HSF1: variants seen among roughly 807,000 people sequenced by gnomAD.
HSF1 encodes heat shock factor protein 1.
In HSF1, 32 loss-of-function variants were observed where a neutral mutation model predicts 51.7. That is an observed-to-expected ratio of 0.62 (90% CI 0.47 to 0.83). The LOEUF (loss-of-function observed/expected upper bound fraction) is 0.83, where lower values mean the gene tolerates loss of function less well. Ranked by LOEUF, HSF1 falls within the 40% of genes least tolerant of loss-of-function variation. The pLI, the probability that HSF1 is intolerant of heterozygous loss-of-function variation, is 0.00. For missense variants in HSF1, 727 were observed against 717.0 expected, an observed-to-expected ratio of 1.01 and a Z score of -0.16; for synonymous variants, 396 against 309.7, an observed-to-expected ratio of 1.28 and a Z score of -2.92.
chr8:144,300,623 TGA>T (rs1489900581), intron 1 of HSF1, among the ~76,000 whole-genome samples: 1 of 152,142 alleles, frequency 6.6e-6, no homozygotes, highest in Non-Finnish European at 1.5e-5. Context: ...AAATCCAAAT[TGA>T]GAGACATTCC....
At chr8:144,300,455 G>T (rs1198930640) in intron 1 of HSF1, among the ~76,000 whole-genome samples, 1 of 151,952 alleles carries the variant, frequency 6.6e-6, no homozygotes, top group Non-Finnish European at 1.5e-5. Flanking sequence ...CTGACCTCGT[G>T]ATCCGCCCAC....
At chr8:144,302,612 C>T (rs1278314669) in intron 1 of HSF1, among the ~76,000 whole-genome samples, 1 of 151,822 alleles carries the variant, frequency 6.6e-6, no homozygotes, top group Non-Finnish European at 1.5e-5. Flanking sequence ...TAGATTGCTT[C>T]CACTCAGGAG....
chr8:144,309,788 G>A lies in HSF1; in HGVS notation c.380G>A (p.Ser127Asn), dbSNP rs144843756. 2.5e-6 allele frequency: 4 copies of A among 1,613,724 alleles called. No homozygotes were observed. Among genetic ancestry groups the A allele is most frequent in the African/African-American group, 1.3e-5 (1 of 74,930 alleles). The change falls in exon 4 of 13, where the codon AGT becomes AAT. Residue 127 changes from serine to asparagine, a missense_variant. Ser to Asn is a conservative substitution (Grantham distance 46, BLOSUM62 1). Transcript: ENST00000528838. ...GGAATCCAGGTGTCCACCCTGAAGA[G>A]TGAAGACATAAAGATCCGCCAGGAC... ...RKVTSVSTLK[S>N]EDIKIRQDSV...
chr8:144,308,954 G>A lies in HSF1; in HGVS notation c.166G>A (p.Val56Met), dbSNP rs782597311. Residue 56 changes from valine (V) to methionine (M), a missense_variant, in exon 2 of 13, where the codon GTG (valine) becomes ATG (methionine). This residue lies in a region of HSF1 where 257 missense variants were observed against 318.3 expected (regional missense o/e 0.81). Coordinates refer to ENST00000528838, the MANE Select transcript of HSF1 (RefSeq NM_005526.4). ...CGACCAGGGCCAGTTTGCCAAGGAG[G>A]TGCTGCCCAAGTACTTCAAGCACAA... ...VFDQGQFAKE[V>M]LPKYFKHNNM... is the part of the protein sequence containing the mutation. The A allele has an allele frequency of 1.4e-5, 23 of 1,614,178 alleles. No individual in the cohort carries two copies. The highest frequency in any genetic ancestry group is 3.3e-4 in the Middle Eastern group (2 of 6,062).
intron 1 of HSF1, among the ~76,000 whole-genome samples, chr8:144,301,782 G>A (rs1260355783): frequency 6.8e-6 from 1 of 147,254 alleles, no homozygotes; most frequent in Non-Finnish European, 1.5e-5. Context: ...GGAGAATGGC[G>A]TGAACCCGGG....
Position 144,309,897 on chromosome 8 carries a change from G to A in HSF1, c.488+1G>A. On this transcript the variant is annotated splice_donor_variant, in intron 4 of 12. Coordinates refer to ENST00000528838, the MANE Select transcript of HSF1 (RefSeq NM_005526.4). LOFTEE classifies it high-confidence loss of function. Reference sequence around the variant, plus strand: ...ACTCCAAGCTCCTGGCCATGAAGCAGTAGGTCCCACACCAGCATTATGGGC... The same window carrying A: ...ACTCCAAGCTCCTGGCCATGAAGCAATAGGTCCCACACCAGCATTATGGGC... The A allele has an allele frequency of 6.2e-7, 1 of 1,613,394 alleles. No individual in the cohort carries two copies. Among genetic ancestry groups the A allele is most frequent in the Non-Finnish European group, 8.5e-7 (1 of 1,179,798 alleles).
At chr8:144,292,297 C>T (rs962973028) in intron 1 of HSF1, among the ~76,000 whole-genome samples, 1 of 152,222 alleles carries the variant, frequency 6.6e-6, no homozygotes, top group African/African-American at 2.4e-5. Flanking sequence ...AGGAGAAAGT[C>T]AGGACTTGGC....
chr8:144,293,311 G>C (rs894719320), intron 1 of HSF1, among the ~76,000 whole-genome samples: 1 of 152,158 alleles, frequency 6.6e-6, no homozygotes, highest in African/African-American at 2.4e-5. Flanking sequence ...CCCATCCCCA[G>C]GTCCCATTAA....
At chr8:144,301,756 T>G (rs1815893058) in intron 1 of HSF1, among the ~76,000 whole-genome samples, 1 of 151,650 alleles carries the variant, frequency 6.6e-6, no homozygotes, top group Non-Finnish European at 1.5e-5. Context: ...TCCTAGCTAC[T>G]CGGGAGGCTG....
chr8:144,313,178 C>T (rs1816802323), intron 9 of HSF1: 2 of 394,308 alleles, frequency 5.1e-6, no homozygotes, highest in Non-Finnish European at 9.4e-6. Flanking sequence ...TTTCCCAGTG[C>T]AACGGGAAAC....
chr8:144,296,307 G>A (rs781861689), intron 1 of HSF1, among the ~76,000 whole-genome samples: 3 of 152,202 alleles, frequency 2.0e-5, no homozygotes, highest in Admixed American at 6.5e-5. Flanking sequence ...GAGCTCCCAC[G>A]GCAGGCAGGG....
intron 1 of HSF1, 97 bp from the exon 2 acceptor site, chr8:144,308,809 C>A (rs1295627037): frequency 1.0e-6 from 1 of 987,166 alleles, no homozygotes; most frequent in Non-Finnish European, 1.6e-6. Context: ...GGAACGTGCA[C>A]TGCCTGCGTT....
At position 144,311,703 on chromosome 8, in the gene HSF1, C is replaced by A; in HGVS notation, c.727C>A (p.Pro243Thr). 1 of 1,609,152 alleles carries A rather than the reference C, an allele frequency of 6.2e-7. No individual in the cohort carries two copies. The highest frequency in any genetic ancestry group is 8.5e-7 in the Non-Finnish European group (1 of 1,177,570). Reference protein sequence around the residue: ...HVHGSGPYSAPSPAYSSSSLY... With the variant: ...HVHGSGPYSATSPAYSSSSLY... The stretch of plus-strand genomic sequence containing the variant: ...GACCTCCTGCCTTTGATTGCAGGCC[C>A]CCTCCCCAGCCTACAGCAGCTCCAG... Residue 243 changes from proline (P) to threonine (T), a missense_variant, in exon 8 of 13, where the codon CCC becomes ACC. Pro to Thr is a conservative substitution (Grantham distance 38, BLOSUM62 -1). This residue lies in a region of HSF1 where 470 missense variants were observed against 398.8 expected (regional missense o/e 1.18). Transcript: ENST00000528838.
At chr8:144,308,099 CA>C (rs1816340688) in intron 1 of HSF1, among the ~76,000 whole-genome samples, 1 of 152,262 alleles carries the variant, frequency 6.6e-6, no homozygotes, top group South Asian at 2.1e-4. Context: ...CCTTCCCTGG[CA>C]GGGAGAAACC....
At chr8:144,312,755 G>A (rs1427206711) in intron 9 of HSF1, 34 of 1,489,584 alleles carry the variant, frequency 2.3e-5, no homozygotes, top group African/African-American at 4.2e-5. Context: ...CTCTGCCAGC[G>A]CTCGGGCCCT....
Position 144,296,932 on chromosome 8 carries a change from G to GT in HSF1, c.117+5058_117+5059insT, listed in dbSNP as rs1307790717. Reference sequence around the variant, plus strand: ...CTCTGCCCCGGATGGTGTGGTGGGGGGGGTGCGGTGAGGAGGGGCCCAGGG... The same window carrying GT: ...CTCTGCCCCGGATGGTGTGGTGGGGGTGGGTGCGGTGAGGAGGGGCCCAGGG... On this transcript the variant is annotated intron_variant, in intron 1 of 12. Transcript: ENST00000528838. Among the ~76,000 whole-genome samples, 7 of 152,108 alleles carry GT rather than the reference G, an allele frequency of 4.6e-5. No individual in the cohort carries two copies. In the East Asian group the frequency reaches 1.4e-3, roughly 29 times the overall value.
chr8:144,312,642 C>T, intron 9 of HSF1: 1 of 1,535,426 alleles, frequency 6.5e-7, no homozygotes, highest in South Asian at 1.2e-5. Flanking sequence ...GCTCGCACTC[C>T]ACAGATGTCT....
rs1046018408 is a variant in HSF1 at position 144,297,239 on chromosome 8, C to T, written c.117+5365C>T. On this transcript the variant is annotated intron_variant, in intron 1 of 12. Coordinates refer to ENST00000528838, the MANE Select transcript of HSF1 (RefSeq NM_005526.4). The surrounding 1 kb of genome is among the most constrained non-coding windows in gnomAD (Gnocchi z 4.6). ...GCTCCAGGGTCTCCTCAAGGTCTGG[C>T]AGGTGGAGGGGAGGCTGTCTAAGGA... Among the ~76,000 whole-genome samples the T allele has an allele frequency of 6.6e-6, 1 of 152,130 alleles. No homozygotes were observed. Among genetic ancestry groups the T allele is most frequent in the Admixed American group, 6.5e-5 (1 of 15,268 alleles).
chr8:144,313,551 C>A lies in HSF1; in HGVS notation c.1183C>A (p.Leu395Met). Residue 395 changes from leucine (L) to methionine (M), a missense_variant, in exon 10 of 13, where the codon CTG (leucine) becomes ATG (methionine). Leu to Met is a conservative substitution (Grantham distance 15). Transcript: ENST00000528838. The stretch of plus-strand genomic sequence containing the variant: ...CCACTTGGATGCTATGGACTCCAAC[C>A]TGGATAACCTGCAGACCATGCTGAG... ...SDHLDAMDSNLDNLQTMLSSH... is the reference protein window; with the variant it reads ...SDHLDAMDSNMDNLQTMLSSH... 1 of 1,612,208 alleles carries A rather than the reference C, an allele frequency of 6.2e-7. No individual in the cohort carries two copies. Among genetic ancestry groups the A allele is most frequent in the Non-Finnish European group, 8.5e-7 (1 of 1,179,362 alleles).
Sources: gnomAD v4.1 joint callset for allele counts (sites outside exome capture counted in the v4.1 genomes callset) on GRCh38, gnomAD v4.1.1 for gene constraint, gnomAD v4.1.1 regional missense constraint, Gnocchi (gnomAD v3.1) non-coding constraint, MANE v1.5 for transcripts, NCBI Gene and HGNC (gene_info 2026-07-23, HGNC 2026-07-21) for gene names.